The following SIPA1L1 variants were observed in gnomAD, a reference collection of about 807,000 sequenced individuals.
The protein encoded by SIPA1L1 is signal induced proliferation associated 1 like 1, also known as signal-induced proliferation-associated 1-like protein 1.
Under a neutral mutation model 162.7 loss-of-function variants are expected in SIPA1L1, and 26 were observed. The ratio of observed to expected loss-of-function variants is 0.16; its 90% CI spans 0.12 to 0.22. SIPA1L1 has a LOEUF of 0.22. Ranked by LOEUF, SIPA1L1 falls within the 10% of genes least tolerant of loss-of-function variation. The pLI is 1.00. For synonymous variants in SIPA1L1, 829 were observed against 837.4 expected, an observed-to-expected ratio of 0.99 and a Z score of 0.17; for missense variants, 1,874 against 2,241.0, an observed-to-expected ratio of 0.84 and a Z score of 3.31.
intron 2 of SIPA1L1, among the ~76,000 whole-genome samples, chr14:71,366,281 T>C (rs2038286516): frequency 6.6e-6 from 1 of 152,094 alleles, no homozygotes; most frequent in South Asian, 2.1e-4. Context: ...TTCTACTGCC[T>C]TTTCCTCTGC....
chr14:71,665,373 C>T (rs2043902641), intron 10 of SIPA1L1, among the ~76,000 whole-genome samples: 1 of 152,076 alleles, frequency 6.6e-6, no homozygotes, highest in South Asian at 2.1e-4. Context: ...ATTCCAGAGG[C>T]CAGTTAATGT....
intron 6 of SIPA1L1, among the ~76,000 whole-genome samples, chr14:71,623,793 T>C (rs778366145): frequency 1.2e-4 from 18 of 152,224 alleles, no homozygotes; most frequent in Non-Finnish European, 2.2e-4. Flanking sequence ...TTTTTTGTCT[T>C]TAAATAAATA....
At chr14:71,417,321 A>G (rs1701645057) in intron 2 of SIPA1L1, among the ~76,000 whole-genome samples, 1 of 151,072 alleles carries the variant, frequency 6.6e-6, no homozygotes, top group Admixed American at 6.6e-5. Context: ...AATACAAAAA[A>G]TTAGCCGGGC....
intron 2 of SIPA1L1, among the ~76,000 whole-genome samples, chr14:71,447,146 G>A (rs1477139176): frequency 6.6e-6 from 1 of 151,142 alleles, no homozygotes; most frequent in Non-Finnish European, 1.5e-5. Context: ...GAACTCCTGG[G>A]CAAGTGATCC....
intron 2 of SIPA1L1, among the ~76,000 whole-genome samples, chr14:71,434,796 G>A (rs2044251858): frequency 6.6e-6 from 1 of 152,132 alleles, no homozygotes; most frequent in Admixed American, 6.5e-5. Context: ...GTCCAGGCTG[G>A]TCTTAAACTC....
Position 71,589,388 on chromosome 14 carries a change from A to G in SIPA1L1, c.1498+18A>G. 5 of 1,502,410 alleles carry G rather than the reference A, an allele frequency of 3.3e-6. No individual in the cohort carries two copies. The highest frequency in any genetic ancestry group is 3.7e-6 in the Non-Finnish European group (4 of 1,093,496). 93.1% of individuals were successfully genotyped at this position (1,502,410 alleles called of 1,614,324 possible). A position where few individuals can be genotyped will look rare whatever the true frequency, so the allele number is the denominator to read the frequency against. On this transcript the variant is annotated intron_variant, in intron 5 of 23. Transcript: ENST00000381232. ...CCAGAAGGGTAAGTAGAGATCCTTT[A>G]TTTCTTACATTTTCTTTTGCAGTAC...
chr14:71,625,821 CAG>C (rs1400774350), intron 7 of SIPA1L1, among the ~76,000 whole-genome samples: 3 of 152,132 alleles, frequency 2.0e-5, no homozygotes, highest in African/African-American at 7.2e-5. Flanking sequence ...TCTATTAAAA[CAG>C]ATTATTTTAT....
intron 3 of SIPA1L1, among the ~76,000 whole-genome samples, chr14:71,521,301 G>A (rs1003678856): frequency 6.6e-6 from 1 of 152,118 alleles, no homozygotes; most frequent in African/African-American, 2.4e-5. Context: ...AAAGAAGCAG[G>A]GACATCTCTG....
chr14:71,330,834 G>A (rs2034446252), intron 2 of SIPA1L1: 13 of 601,926 alleles, frequency 2.2e-5, no homozygotes, highest in South Asian at 2.0e-4. Flanking sequence ...CACCTTATGA[G>A]ATAGATTATT....
chr14:71,699,147 A>G lies in SIPA1L1; in HGVS notation c.3521+20A>G, dbSNP rs779330197. 1.6e-5 allele frequency: 26 copies of G among 1,612,678 alleles called. No homozygotes were observed. In the East Asian group the frequency reaches 4.7e-4, roughly 29 times the overall value. On this transcript the variant is annotated intron_variant, in intron 14 of 23. Transcript: ENST00000381232. ...CGAAGGGTAGTTATGCGTTTGTCCC[A>G]TTGTACATGGTCCCTGTTGGCATCA...
intron 17 of SIPA1L1, among the ~76,000 whole-genome samples, chr14:71,719,446 A>G (rs1453483786): frequency 6.6e-6 from 1 of 152,144 alleles, no homozygotes; most frequent in African/African-American, 2.4e-5. Flanking sequence ...CCAGCACTTG[A>G]TATTATAAGT....
chr14:71,662,009 A>G (rs1224870303), intron 10 of SIPA1L1, among the ~76,000 whole-genome samples: 1 of 152,228 alleles, frequency 6.6e-6, no homozygotes, highest in Non-Finnish European at 1.5e-5. Flanking sequence ...CTCTATCTGC[A>G]GAGACCTTTC....
chr14:71,421,429 A>G (rs1272635438), intron 2 of SIPA1L1, among the ~76,000 whole-genome samples: 1 of 151,852 alleles, frequency 6.6e-6, no homozygotes, highest in African/African-American at 2.4e-5. Context: ...CCCCATCTCT[A>G]CAAAAACGAG....
At chr14:71,619,856 A>G (rs1306252283) in intron 6 of SIPA1L1, among the ~76,000 whole-genome samples, 1 of 152,196 alleles carries the variant, frequency 6.6e-6, no homozygotes, top group African/African-American at 2.4e-5. Context: ...ACTTTTAAAG[A>G]CAAGACTTAA....
At chr14:71,396,108 T>C (rs1175910674) in intron 2 of SIPA1L1, among the ~76,000 whole-genome samples, 4 of 152,126 alleles carry the variant, frequency 2.6e-5, no homozygotes, top group African/African-American at 9.7e-5. Flanking sequence ...TCTGTATGCA[T>C]GGTCCAGATC....
chr14:71,715,278 A>G (rs1299345497), intron 17 of SIPA1L1, among the ~76,000 whole-genome samples: 10 of 152,318 alleles, frequency 6.6e-5, no homozygotes, highest in Non-Finnish European at 8.8e-5. Flanking sequence ...GTACCATTTC[A>G]CCTGGCTTGT....
At chr14:71,558,463 T>G (rs1596110242) in intron 4 of SIPA1L1, among the ~76,000 whole-genome samples, 1 of 152,180 alleles carries the variant, frequency 6.6e-6, no homozygotes, top group Non-Finnish European at 1.5e-5. Flanking sequence ...TGTTTCAAGG[T>G]AGATTTCTCT....
At chr14:71,676,119 C>T (rs1239224585) in intron 12 of SIPA1L1, among the ~76,000 whole-genome samples, 1 of 146,350 alleles carries the variant, frequency 6.8e-6, no homozygotes, top group Non-Finnish European at 1.5e-5. Context: ...ATTCACCAGC[C>T]TTCTCTACTA....
chr14:71,628,951 T>G (rs1271611566), intron 7 of SIPA1L1, among the ~76,000 whole-genome samples: 1 of 152,156 alleles, frequency 6.6e-6, no homozygotes, highest in Admixed American at 6.5e-5. Context: ...GATGATTTTT[T>G]TTTTGAGACG....
Sources: allele counts gnomAD v4.1 joint callset (sites outside exome capture counted in the v4.1 genomes callset), GRCh38; gene constraint gnomAD v4.1.1; transcripts MANE v1.5; gene names NCBI Gene and HGNC (gene_info 2026-07-23, HGNC 2026-07-21).